COL26A1: variants seen among roughly 807,000 people sequenced by gnomAD.
The protein encoded by COL26A1 is collagen type XXVI alpha 1 chain, also known as collagen alpha-1(XXVI) chain.
In COL26A1, 41 loss-of-function variants were observed where a neutral mutation model predicts 59.3. The ratio of observed to expected loss-of-function variants is 0.69; its 90% CI spans 0.54 to 0.90. The LOEUF is 0.90. COL26A1 is among the 40% of genes least tolerant of loss of function. COL26A1 has a pLI of 0.00. For synonymous variants in COL26A1, 266 were observed against 256.0 expected, an observed-to-expected ratio of 1.04 and a Z score of -0.37; for missense variants, 612 against 602.3, an observed-to-expected ratio of 1.02 and a Z score of -0.17.
intron 3 of COL26A1, among the ~76,000 whole-genome samples, chr7:101,489,711 T>G (rs1378152115): frequency 4.8e-4 from 49 of 103,132 alleles, no homozygotes; most frequent in African/African-American, 9.5e-4. Context: ...CTTTCTTTCT[T>G]TCATTCTTTC....
chr7:101,454,555 G>A (rs1418215981), intron 3 of COL26A1, among the ~76,000 whole-genome samples: 5 of 151,928 alleles, frequency 3.3e-5, no homozygotes, highest in Non-Finnish European at 4.4e-5. Context: ...CACCGCACCC[G>A]GCCAAGTGTC....
chr7:101,422,133 G>A (rs1480081157), intron 2 of COL26A1, among the ~76,000 whole-genome samples: 2 of 152,082 alleles, frequency 1.3e-5, no homozygotes, highest in Non-Finnish European at 2.9e-5. Flanking sequence ...CCAACATGGT[G>A]AAACCCAGTC....
At position 101,445,906 on chromosome 7, in the gene COL26A1, A is replaced by G. The variant is rs954953436; in HGVS notation, c.282-1778A>G. Among the ~76,000 whole-genome samples the G allele has an allele frequency of 2.1e-5, 3 of 143,488 alleles. No individual in the cohort carries two copies. In the East Asian group the frequency reaches 6.4e-4, roughly 30 times the overall value. The allele number at this position is 143,488 out of a possible 152,430, so 94.1% of individuals were successfully genotyped here. A position where few individuals can be genotyped will look rare whatever the true frequency, so the allele number is the denominator to read the frequency against. On this transcript the variant is annotated intron_variant, in intron 2 of 12. Transcript: ENST00000313669. ...CTACTAAAAGTACAAAAATTAGCTG[A>G]GAGTGGTGGCATGTGCCTGTAATCC...
chr7:101,511,354 G>A (rs555816861), intron 3 of COL26A1, among the ~76,000 whole-genome samples: 73 of 152,294 alleles, frequency 4.8e-4, no homozygotes, highest in African/African-American at 1.6e-3. Context: ...CGCTGGACTC[G>A]GTTTCAGGGC....
chr7:101,529,932 C>T (rs1045560480), intron 3 of COL26A1, among the ~76,000 whole-genome samples: 6 of 152,146 alleles, frequency 3.9e-5, no homozygotes, highest in African/African-American at 1.2e-4. Flanking sequence ...AAGTAGACAA[C>T]CCCTGAAGGC....
intron 1 of COL26A1, 134 bp from the exon 2 acceptor site, chr7:101,419,843 G>T: frequency 1.2e-6 from 1 of 837,724 alleles, no homozygotes; most frequent in Non-Finnish European, 1.9e-6. Context: ...GGGTCTCAGT[G>T]GGCCCCCCAT....
intron 1 of COL26A1, among the ~76,000 whole-genome samples, chr7:101,409,303 G>A (rs940827793): frequency 1.3e-5 from 2 of 152,128 alleles, no homozygotes; most frequent in African/African-American, 4.8e-5. Flanking sequence ...TATTTTATTT[G>A]CTCTCTGATT....
chr7:101,515,687 C>G (rs941310617), intron 3 of COL26A1, among the ~76,000 whole-genome samples: 2 of 151,808 alleles, frequency 1.3e-5, no homozygotes, highest in African/African-American at 4.8e-5. Context: ...CTCCCTGGCT[C>G]AAGTGATTCT....
At chr7:101,462,853 G>A (rs1793647731) in intron 3 of COL26A1, among the ~76,000 whole-genome samples, 1 of 151,884 alleles carries the variant, frequency 6.6e-6, no homozygotes, top group Non-Finnish European at 1.5e-5. Context: ...CTGCAAGGAG[G>A]GACTTGCAGG....
At chr7:101,503,246 A>G (rs1794741338) in intron 3 of COL26A1, among the ~76,000 whole-genome samples, 2 of 152,170 alleles carry the variant, frequency 1.3e-5, no homozygotes, top group African/African-American at 4.8e-5. Flanking sequence ...CAGGACGGTC[A>G]CCACCTCCTG....
chr7:101,473,780 G>A (rs1290279639), intron 3 of COL26A1, among the ~76,000 whole-genome samples: 1 of 152,116 alleles, frequency 6.6e-6, no homozygotes, highest in Non-Finnish European at 1.5e-5. Context: ...TTTGAGGCTG[G>A]GAGGTTGAGG....
chr7:101,417,754 C>T (rs1792414431), intron 1 of COL26A1, among the ~76,000 whole-genome samples: 1 of 149,724 alleles, frequency 6.7e-6, no homozygotes, highest in African/African-American at 2.5e-5. Context: ...TGGAGTCTTA[C>T]TCTGTCATCC....
At chr7:101,537,478 C>G (rs1288304226) in intron 4 of COL26A1, among the ~76,000 whole-genome samples, 1 of 152,236 alleles carries the variant, frequency 6.6e-6, no homozygotes, top group Non-Finnish European at 1.5e-5. Context: ...ACGCCCATGG[C>G]TGCCCACCCG....
At chr7:101,519,381 G>A (rs1027398723) in intron 3 of COL26A1, among the ~76,000 whole-genome samples, 6 of 152,202 alleles carry the variant, frequency 3.9e-5, no homozygotes, top group African/African-American at 7.2e-5. Context: ...TGTCATCATA[G>A]CTCACTGCTG....
At chr7:101,400,218 AG>A (rs1185206710) in intron 1 of COL26A1, among the ~76,000 whole-genome samples, 1 of 152,082 alleles carries the variant, frequency 6.6e-6, no homozygotes. Flanking sequence ...AGATGTGGAG[AG>A]AGGCATGGCT....
chr7:101,396,270 A>AAACAC (rs373522889), intron 1 of COL26A1, among the ~76,000 whole-genome samples: 13 of 152,122 alleles, frequency 8.5e-5, no homozygotes, highest in East Asian at 5.8e-4. Context: ...CCTGTCTTTA[A>AAACAC]AACACAACAC....
At chr7:101,488,750 A>G (rs1421848922) in intron 3 of COL26A1, among the ~76,000 whole-genome samples, 2 of 152,270 alleles carry the variant, frequency 1.3e-5, no homozygotes, top group Non-Finnish European at 1.5e-5. Context: ...TCCACTGTCC[A>G]TCTTCAGAAC....
chr7:101,442,808 ATGAG>A (rs1298725643), intron 2 of COL26A1, among the ~76,000 whole-genome samples: 3 of 152,102 alleles, frequency 2.0e-5, no homozygotes, highest in Admixed American at 6.6e-5. Flanking sequence ...GTGAGTGTGC[ATGAG>A]TGAGTCTGAG....
At position 101,429,589 on chromosome 7, in the gene COL26A1, C is replaced by CTTTTTTTTTTTTTTTTTTTT. The variant is rs58432413; in HGVS notation, c.281+9492_281+9511dup. Among the ~76,000 whole-genome samples, 233 of 78,662 alleles carry CTTTTTTTTTTTTTTTTTTTT rather than the reference C, an allele frequency of 3.0e-3. 6 individuals carry two copies. The highest frequency in any genetic ancestry group is 4.2e-3 in the Non-Finnish European group (179 of 42,294). The allele number at this position is 78,662 out of a possible 152,430, so 51.6% of individuals were successfully genotyped here. A position where few individuals can be genotyped will look rare whatever the true frequency, so the allele number is the denominator to read the frequency against. On this transcript the variant is annotated intron_variant, in intron 2 of 12. Coordinates refer to ENST00000313669, the MANE Select transcript of COL26A1 (RefSeq NM_001278563.3). Reference sequence around the variant, plus strand: ...ATTCTTTTTTTTCCTTTCTTTTTTACTTTTTTTTTTTTTTTTTTTTTGAGA... The same window carrying CTTTTTTTTTTTTTTTTTTTT: ...ATTCTTTTTTTTCCTTTCTTTTTTACTTTTTTTTTTTTTTTTTTTTTTTTTTTTTTTTTTTTTTTTTGAGA...
Sources: gnomAD v4.1 joint callset for allele counts (sites outside exome capture counted in the v4.1 genomes callset) on GRCh38, gnomAD v4.1.1 for gene constraint, MANE v1.5 for transcripts, NCBI Gene and HGNC (gene_info 2026-07-23, HGNC 2026-07-21) for gene names.